The following STOX2 variants were observed in gnomAD, a reference collection of about 807,000 sequenced individuals.
STOX2 encodes storkhead-box protein 2.
In STOX2, 28 loss-of-function variants were observed where a neutral mutation model predicts 60.9. That is an observed-to-expected ratio of 0.46 (90% CI 0.34 to 0.63). The LOEUF (loss-of-function observed/expected upper bound fraction) is 0.63, where lower values mean the gene tolerates loss of function less well. Ranked by LOEUF, STOX2 falls within the 30% of genes least tolerant of loss-of-function variation. The pLI, the probability that STOX2 is intolerant of heterozygous loss-of-function variation, is 0.01. For missense variants in STOX2, 1,024 were observed against 1,187.7 expected (o/e 0.86, Z 2.03); for synonymous variants, 472 against 463.9 (o/e 1.02, Z -0.22).
At chr4:183,885,693 T>C (rs186457233) in intron 1 of STOX2, among the ~76,000 whole-genome samples, 59 of 152,386 alleles carry the variant, frequency 3.9e-4, no homozygotes, top group African/African-American at 1.4e-3. Flanking sequence ...TCCAAGGTCC[T>C]GCTCCTTATA....
chr4:183,868,924 A>G (rs965641707), intron 1 of STOX2, among the ~76,000 whole-genome samples: 13 of 152,226 alleles, frequency 8.5e-5, no homozygotes, highest in African/African-American at 3.1e-4. Context: ...TTAATACAAT[A>G]CAGTGAGTAT....
Position 184,001,588 on chromosome 4 carries a change from C to A in STOX2, c.319+111C>A. On this transcript the variant is annotated intron_variant, in intron 2 of 3. Coordinates refer to ENST00000308497, the MANE Select transcript of STOX2 (RefSeq NM_020225.3). The surrounding 1 kb of genome is among the most constrained non-coding windows in gnomAD (Gnocchi z 4.2). ...AAAGAGAATAGGAAAACATTCTTCCCCAAAACTGACCCGAAGCTTTCCTTA... is the reference window on the plus strand; with the variant it reads ...AAAGAGAATAGGAAAACATTCTTCCACAAAACTGACCCGAAGCTTTCCTTA... The A allele has an allele frequency of 2.0e-6, 2 of 1,021,438 alleles. No homozygotes were observed. The highest frequency in any genetic ancestry group is 2.7e-6 in the Non-Finnish European group (2 of 744,578). The allele number at this position is 1,021,438 out of a possible 1,614,324, so 63.3% of individuals were successfully genotyped here. A position where few individuals can be genotyped will look rare whatever the true frequency, so the allele number is the denominator to read the frequency against.
chr4:183,840,598 A>C (rs1579322636), intron 1 of STOX2, among the ~76,000 whole-genome samples: 2 of 152,338 alleles, frequency 1.3e-5, no homozygotes, highest in Admixed American at 1.3e-4. Context: ...TTTTGACTGC[A>C]TAAAATTGCC....
chr4:183,852,180 A>G, intron 1 of STOX2, among the ~76,000 whole-genome samples: 1 of 148,940 alleles, frequency 6.7e-6, no homozygotes, highest in Non-Finnish European at 1.5e-5. Context: ...GATGAGGGAA[A>G]GGATGAGGGA....
chr4:183,929,754 A>G (rs1742359778), intron 1 of STOX2, among the ~76,000 whole-genome samples: 1 of 152,196 alleles, frequency 6.6e-6, no homozygotes, highest in Non-Finnish European at 1.5e-5. Context: ...CTCCCGGTTA[A>G]ACGTATTTCT....
intron 1 of STOX2, among the ~76,000 whole-genome samples, chr4:183,886,752 TC>T (rs1741093302): frequency 6.6e-6 from 1 of 152,036 alleles, no homozygotes; most frequent in Non-Finnish European, 1.5e-5. Context: ...GAACAGCCAT[TC>T]CCCAAGCACA....
In STOX2 at chr4:184,018,137, T is replaced by C. The variant is rs910839948; in HGVS notation, c.*853T>C. 2 of 152,210 alleles carry C rather than the reference T, an allele frequency of 1.3e-5. No homozygotes were observed. Among genetic ancestry groups the C allele is most frequent in the Non-Finnish European group, 2.9e-5 (2 of 68,038 alleles). The allele number at this position is 152,210 out of a possible 1,614,324, so 9.4% of individuals were successfully genotyped here. A position where few individuals can be genotyped will look rare whatever the true frequency, so the allele number is the denominator to read the frequency against. ...ACTTGTAAAAGGTGTTACTCAAATA[T>C]TGAAGGAAGAGAATTTCCTCCTTGT... On this transcript the variant is annotated 3_prime_UTR_variant, in exon 4 of 4. Transcript: ENST00000308497.
Position 183,970,181 on chromosome 4 carries a change from T to TGTGGGG in STOX2, c.167-31143_167-31142insTGGGGG, listed in dbSNP as rs779582388. On this transcript the variant is annotated intron_variant, in intron 1 of 3. Coordinates refer to ENST00000308497, the MANE Select transcript of STOX2 (RefSeq NM_020225.3). ...GTGTGTGTGTGTGTGTGTGTGTGTG[T>TGTGGGG]GGGGTTCCAGCTGAATTTTCTGTCC... Among the ~76,000 whole-genome samples the TGTGGGG allele has an allele frequency of 2.1e-3, 281 of 136,460 alleles. 4 individuals are homozygous for TGTGGGG. The highest frequency in any genetic ancestry group is 7.5e-3 in the African/African-American group (264 of 35,276). The allele number at this position is 136,460 out of a possible 152,430, so 89.5% of individuals were successfully genotyped here. A position where few individuals can be genotyped will look rare whatever the true frequency, so the allele number is the denominator to read the frequency against.
Position 183,957,958 on chromosome 4 carries a change from C to T in STOX2, c.167-43367C>T, listed in dbSNP as rs1025319927. Among the ~76,000 whole-genome samples, 7 of 148,892 alleles carry T rather than the reference C, an allele frequency of 4.7e-5. No homozygotes were observed. The East Asian group carries it at 1.4e-3, about 29-fold the overall frequency. The stretch of plus-strand genomic sequence containing the variant: ...TAGAATGGTATTTAGAACCCACTAT[C>T]GTGAATGAGGCACCCTGGTTTCTTT... On this transcript the variant is annotated intron_variant, in intron 1 of 3. Coordinates refer to ENST00000308497, the MANE Select transcript of STOX2 (RefSeq NM_020225.3).
At chr4:183,871,828 T>C (rs1414692788) in intron 1 of STOX2, among the ~76,000 whole-genome samples, 1 of 151,960 alleles carries the variant, frequency 6.6e-6, no homozygotes, top group Non-Finnish European at 1.5e-5. Flanking sequence ...GCTCTTCTTA[T>C]GAAACATTCA....
intron 1 of STOX2, among the ~76,000 whole-genome samples, chr4:183,924,023 A>G (rs1169747246): frequency 1.3e-5 from 2 of 152,160 alleles, no homozygotes; most frequent in African/African-American, 4.8e-5. Flanking sequence ...AAGTATTTGT[A>G]GCTTGGGATG....
chr4:183,877,756 C>T (rs1740865262), intron 1 of STOX2, among the ~76,000 whole-genome samples: 1 of 152,198 alleles, frequency 6.6e-6, no homozygotes, highest in African/African-American at 2.4e-5. Flanking sequence ...TCTTGGCTTA[C>T]TGCAACCTCT....
chr4:184,009,173 G>C lies in STOX2; in HGVS notation c.335G>C (p.Ser112Thr). ...TTCFPGVPTPSQEILRHTLNT... is the reference protein window; with the variant it reads ...TTCFPGVPTPTQEILRHTLNT... ...TTTTTTTCAGGTGTTCCAACGCCAA[G>C]CCAAGAAATTCTGCGGCACACGCTG... is the stretch of plus-strand genomic sequence containing the variant. Residue 112 changes from serine to threonine, a missense_variant, in exon 3 of 4, where the codon AGC (serine) becomes ACC (threonine). Ser to Thr is a moderately conservative substitution (Grantham distance 58). Around this residue, in one of 3 missense-constraint regions of STOX2, gnomAD observed 922 missense variants for 1,058.3 expected, o/e 0.87. Coordinates refer to ENST00000308497, the MANE Select transcript of STOX2 (RefSeq NM_020225.3). This position sits in a 1 kb window ranked among gnomAD's most constrained non-coding sequence, Gnocchi z 4.0. 1 of 703,024 alleles carries C rather than the reference G, an allele frequency of 1.4e-6. No homozygotes were observed. Among genetic ancestry groups the C allele is most frequent in the Non-Finnish European group, 2.1e-6 (1 of 477,748 alleles). The allele number at this position is 703,024 out of a possible 1,614,324, so 43.5% of individuals were successfully genotyped here. A position where few individuals can be genotyped will look rare whatever the true frequency, so the allele number is the denominator to read the frequency against.
rs546418159 is a variant in STOX2, at chr4:183,819,029, C to T, written c.364+20974C>T. Among the ~76,000 whole-genome samples, 1,212 of 152,008 alleles carry T rather than the reference C, an allele frequency of 8.0e-3. 16 individuals are homozygous for T. Among genetic ancestry groups the T allele is most frequent in the African/African-American group, 0.028 (1,145 of 41,440 alleles). ...CCTCCTCACTTCCTAGATGGGATGGCGGCTGGGCAGAGACGCTCCTCACTT... is the reference window on the plus strand; with the variant it reads ...CCTCCTCACTTCCTAGATGGGATGGTGGCTGGGCAGAGACGCTCCTCACTT... On this transcript the variant is annotated intron_variant, in intron 1 of 2. Transcript: ENST00000513034.
At chr4:184,006,972 C>CTGG (rs1445362081) in intron 2 of STOX2, among the ~76,000 whole-genome samples, 8 of 130,240 alleles carry the variant, frequency 6.1e-5, no homozygotes, top group Non-Finnish European at 1.3e-4. Flanking sequence ...GCCGAGATCC[C>CTGG]GCCACTGCAC....
At chr4:183,979,303 G>A (rs1732565627) in intron 1 of STOX2, among the ~76,000 whole-genome samples, 1 of 152,092 alleles carries the variant, frequency 6.6e-6, no homozygotes, top group African/African-American at 2.4e-5. Context: ...TCACAAGAAC[G>A]GTACCGAGGA....
intron 1 of STOX2, among the ~76,000 whole-genome samples, chr4:183,989,548 A>G (rs1733008777): frequency 6.6e-6 from 1 of 152,170 alleles, no homozygotes; most frequent in Admixed American, 6.5e-5. Context: ...GAAATTTTGC[A>G]TACTGTTTGG....
At chr4:183,818,026 A>G (rs73008738) in intron 1 of STOX2, among the ~76,000 whole-genome samples, 3,070 of 151,980 alleles carry the variant, frequency 0.02, 81 homozygotes, top group African/African-American at 0.071. Flanking sequence ...AAAAAATTAC[A>G]TGACAAGAAA....
chr4:183,957,260 T>C (rs962235221), intron 1 of STOX2, among the ~76,000 whole-genome samples: 3 of 151,806 alleles, frequency 2.0e-5, no homozygotes, highest in Admixed American at 1.3e-4. Context: ...TTGGTTATGG[T>C]GGTGGCAGCC....
Sources: gnomAD v4.1 joint callset for allele counts (sites outside exome capture counted in the v4.1 genomes callset) on GRCh38, gnomAD v4.1.1 for gene constraint, gnomAD v4.1.1 regional missense constraint, Gnocchi (gnomAD v3.1) non-coding constraint, MANE v1.5 for transcripts, NCBI Gene and HGNC (gene_info 2026-07-23, HGNC 2026-07-21) for gene names.